Variants in FARP1 observed in about 807,000 individuals in gnomAD.
FARP1 encodes the protein FERM, ARH/RhoGEF and pleckstrin domain protein 1.
Under a neutral mutation model 128.8 loss-of-function variants are expected in FARP1, and 52 were observed. The ratio of observed to expected loss-of-function variants is 0.40; its 90% CI spans 0.32 to 0.51. The LOEUF (loss-of-function observed/expected upper bound fraction) is 0.51. Among genes scored for constraint, FARP1 ranks in the 20% least tolerant of loss-of-function variants. FARP1 has a pLI of 0.45. For missense variants in FARP1, 1,333 were observed against 1,367.9 expected, an observed-to-expected ratio of 0.97 and a Z score of 0.40; for synonymous variants, 580 against 551.8, an observed-to-expected ratio of 1.05 and a Z score of -0.72.
chr13:98,242,003 G>T (rs1247773239), intron 2 of FARP1, among the ~76,000 whole-genome samples: 1 of 152,180 alleles, frequency 6.6e-6, no homozygotes, highest in Non-Finnish European at 1.5e-5. Context: ...TACTCAGGAG[G>T]CTAAGCCGGG....
chr13:98,174,309 G>C (rs1326766321), intron 1 of FARP1, among the ~76,000 whole-genome samples: 1 of 152,194 alleles, frequency 6.6e-6, no homozygotes, highest in Non-Finnish European at 1.5e-5. Flanking sequence ...GTGACTTGGA[G>C]CACTTGTTGA....
chr13:98,251,861 T>C (rs951719399), intron 2 of FARP1, among the ~76,000 whole-genome samples: 2 of 152,138 alleles, frequency 1.3e-5, no homozygotes, highest in African/African-American at 4.8e-5. Flanking sequence ...TATGTGTGTA[T>C]TTTGAGATGG....
At chr13:98,329,352 A>G (rs1262675803) in intron 2 of FARP1, 2 of 152,180 alleles carry the variant, frequency 1.3e-5, no homozygotes, top group African/African-American at 4.8e-5. Context: ...TTGAGCAACA[A>G]TTTCTTGAAA....
At chr13:98,244,959 A>G in intron 2 of FARP1, 8 of 1,281,358 alleles carry the variant, frequency 6.2e-6, no homozygotes, top group Non-Finnish European at 7.9e-6. Context: ...GGGAAGCAAT[A>G]CAGCTTTTCT....
intron 24 of FARP1, chr13:98,445,435 G>T (rs1196422752): frequency 6.6e-6 from 1 of 152,220 alleles, no homozygotes; most frequent in African/African-American, 2.4e-5. Flanking sequence ...GGGCTGCAGC[G>T]CATCCTAACA....
chr13:98,168,868 C>T (rs1021251434), intron 1 of FARP1, among the ~76,000 whole-genome samples: 1 of 152,132 alleles, frequency 6.6e-6, no homozygotes, highest in African/African-American at 2.4e-5. Flanking sequence ...CTGCTGTGGG[C>T]AGGGGGGATC....
intron 13 of FARP1, chr13:98,396,157 G>A (rs1890536984): frequency 5.0e-6 from 2 of 399,162 alleles, no homozygotes; most frequent in Non-Finnish European, 8.8e-6. Flanking sequence ...GTGGGGGCAA[G>A]CCAGCGCAGC....
At chr13:98,153,515 A>ATT (rs1566670918) in intron 1 of FARP1, among the ~76,000 whole-genome samples, 1 of 107,106 alleles carries the variant, frequency 9.3e-6, no homozygotes, top group Non-Finnish European at 1.9e-5. Context: ...GTATAAATAT[A>ATT]TATTTATATA....
intron 1 of FARP1, among the ~76,000 whole-genome samples, chr13:98,145,527 G>A (rs1594194638): frequency 6.6e-6 from 1 of 151,786 alleles, no homozygotes; most frequent in Non-Finnish European, 1.5e-5. Context: ...ATTATCCAGA[G>A]TTTACAAGGA....
intron 2 of FARP1, among the ~76,000 whole-genome samples, chr13:98,224,526 C>CA (rs1203238924): frequency 0.014 from 696 of 49,640 alleles, 17 homozygotes; most frequent in African/African-American, 0.017. Context: ...GACTCTGTCT[C>CA]AAAAAAAAAA....
intron 2 of FARP1, among the ~76,000 whole-genome samples, chr13:98,241,206 T>A (rs1314307519): frequency 6.6e-6 from 1 of 152,160 alleles, no homozygotes; most frequent in Non-Finnish European, 1.5e-5. Context: ...AGTGGAGTTT[T>A]CAAGAAGGCT....
At chr13:98,269,542 C>T (rs1884290320) in intron 2 of FARP1, among the ~76,000 whole-genome samples, 1 of 152,226 alleles carries the variant, frequency 6.6e-6, no homozygotes, top group Non-Finnish European at 1.5e-5. Context: ...GCAGATATTT[C>T]TATTTGCTTT....
intron 2 of FARP1, among the ~76,000 whole-genome samples, chr13:98,301,508 C>T (rs1297476692): frequency 6.6e-6 from 1 of 152,168 alleles, no homozygotes; most frequent in Non-Finnish European, 1.5e-5. Context: ...TTAGAATTTT[C>T]CTGGCAGTGA....
At chr13:98,327,096 G>C (rs1409120322) in intron 2 of FARP1, among the ~76,000 whole-genome samples, 1 of 152,142 alleles carries the variant, frequency 6.6e-6, no homozygotes, top group African/African-American at 2.4e-5. Context: ...CTTTGCTGTA[G>C]GTCACCACTG....
At chr13:98,220,701 T>A (rs1881365328) in intron 2 of FARP1, among the ~76,000 whole-genome samples, 1 of 152,234 alleles carries the variant, frequency 6.6e-6, no homozygotes, top group Non-Finnish European at 1.5e-5. Context: ...TTAGCTTTCC[T>A]TTCTGGCGTC....
chr13:98,300,022 T>C lies in FARP1; in HGVS notation c.172-43740T>C, dbSNP rs187134949. ...TTGTTCTGGCCTCACTATTGAATAG[T>C]TTCTAATGTTCCCCCAAATAATGTT... is the stretch of plus-strand genomic sequence containing the variant. On this transcript the variant is annotated intron_variant, in intron 2 of 26. Coordinates refer to ENST00000319562, the MANE Select transcript of FARP1 (RefSeq NM_005766.4). Among the ~76,000 whole-genome samples the C allele has an allele frequency of 1.2e-3, 179 of 152,302 alleles. 3 individuals are homozygous for C. Among genetic ancestry groups the C allele is most frequent in the African/African-American group, 4.2e-3 (175 of 41,562 alleles).
rs34532263 is a variant in FARP1, at chr13:98,408,322, C to CTTTT, written c.1415-996_1415-993dup. Among the ~76,000 whole-genome samples the CTTTT allele has an allele frequency of 3.6e-3, 326 of 90,152 alleles. 4 individuals carry two copies. Among genetic ancestry groups the CTTTT allele is most frequent in the African/African-American group, 3.9e-3 (86 of 21,836 alleles). The allele number at this position is 90,152 out of a possible 152,430, so 59.1% of individuals were successfully genotyped here. A position where few individuals can be genotyped will look rare whatever the true frequency, so the allele number is the denominator to read the frequency against. ...GCTGACTCATAGCGGGTAATATATA[C>CTTTT]TTTTTTTTTTTTTTTTTTTTTTTGA... On this transcript the variant is annotated intron_variant, in intron 13 of 26. Transcript: ENST00000319562.
At chr13:98,296,491 T>G (rs1170222137) in intron 2 of FARP1, among the ~76,000 whole-genome samples, 1 of 134,990 alleles carries the variant, frequency 7.4e-6, no homozygotes, top group Admixed American at 7.5e-5. Context: ...TCTCCTATGT[T>G]TCCATGATCT....
chr13:98,347,421 C>A (rs532511338), intron 3 of FARP1, among the ~76,000 whole-genome samples: 2 of 152,280 alleles, frequency 1.3e-5, no homozygotes, highest in South Asian at 2.1e-4. Context: ...AGTTCCCCTT[C>A]CCCAGCCCCT....
Sources: gnomAD v4.1 joint callset for allele counts (sites outside exome capture counted in the v4.1 genomes callset) on GRCh38, gnomAD v4.1.1 for gene constraint, MANE v1.5 for transcripts, NCBI Gene and HGNC (gene_info 2026-07-23, HGNC 2026-07-21) for gene names.